The following LARS2 variants were observed in gnomAD, a reference collection of about 807,000 sequenced individuals.
The protein encoded by LARS2 is leucine--tRNA ligase, mitochondrial.
A neutral mutation model predicts 116.6 loss-of-function variants in LARS2; 81 were observed. The ratio of observed to expected loss-of-function variants is 0.69; its 90% CI spans 0.58 to 0.84. The LOEUF (loss-of-function observed/expected upper bound fraction) is 0.84, where lower values mean the gene tolerates loss of function less well. Among genes scored for constraint, LARS2 ranks in the 40% least tolerant of loss-of-function variants. The pLI is 0.00. For missense variants in LARS2, 968 were observed against 1,114.5 expected (o/e 0.87, Z 1.87); for synonymous variants, 396 against 407.2 (o/e 0.97, Z 0.33).
At chr3:45,498,755 G>GC (rs1340417778) in intron 14 of LARS2, among the ~76,000 whole-genome samples, 1 of 152,144 alleles carries the variant, frequency 6.6e-6, no homozygotes, top group Non-Finnish European at 1.5e-5. Context: ...AGCCAGTGCT[G>GC]CCCCTCCCAC....
At chr3:45,469,784 T>G (rs537747667) in intron 8 of LARS2, among the ~76,000 whole-genome samples, 8 of 152,264 alleles carry the variant, frequency 5.3e-5, no homozygotes, top group Non-Finnish European at 1.2e-4. Context: ...ATAATTGGTT[T>G]TCCTTTTTTA....
intron 2 of LARS2, among the ~76,000 whole-genome samples, chr3:45,393,581 G>GA (rs987902527): frequency 3.4e-4 from 51 of 148,460 alleles, no homozygotes; most frequent in African/African-American, 6.2e-4. Context: ...TCTCAAAAAA[G>GA]AAAAAAAAAC....
At chr3:45,428,616 T>G (rs547484047) in intron 6 of LARS2, among the ~76,000 whole-genome samples, 12 of 152,222 alleles carry the variant, frequency 7.9e-5, no homozygotes, top group Non-Finnish European at 1.8e-4. Flanking sequence ...CCATTATCAC[T>G]CTTCATCTCC....
intron 7 of LARS2, 37 bp downstream of exon 7, chr3:45,447,017 A>C (rs756897276): frequency 8.0e-7 from 1 of 1,243,068 alleles, no homozygotes; most frequent in South Asian, 1.2e-5. Flanking sequence ...AAATTCAGTG[A>C]ATCTCTTTAG....
chr3:45,445,539 G>A (rs1699004249), intron 6 of LARS2, among the ~76,000 whole-genome samples: 1 of 152,208 alleles, frequency 6.6e-6, no homozygotes, highest in African/African-American at 2.4e-5. Flanking sequence ...TCGTATGCAT[G>A]GCTCAGAAAT....
intron 20 of LARS2, among the ~76,000 whole-genome samples, chr3:45,526,759 C>A (rs1258180142): frequency 2.0e-5 from 3 of 151,988 alleles, no homozygotes; most frequent in Non-Finnish European, 4.4e-5. Context: ...TCCCAGTGGA[C>A]AAACAACATT....
At chr3:45,395,245 C>T (rs1213774692) in intron 3 of LARS2, among the ~76,000 whole-genome samples, 6 of 152,230 alleles carry the variant, frequency 3.9e-5, no homozygotes. Context: ...TGGTTTGGGG[C>T]ACACCAGCCC....
At chr3:45,404,890 C>G (rs934010150) in intron 4 of LARS2, among the ~76,000 whole-genome samples, 1 of 152,102 alleles carries the variant, frequency 6.6e-6, no homozygotes, top group Admixed American at 6.5e-5. Context: ...TCCGGCCAGT[C>G]CTTGCTATTT....
intron 6 of LARS2, among the ~76,000 whole-genome samples, chr3:45,432,599 T>C (rs1197667922): frequency 6.6e-6 from 1 of 151,536 alleles, no homozygotes; most frequent in Non-Finnish European, 1.5e-5. Context: ...TGAATGAAAA[T>C]GAAAACAACA....
chr3:45,441,719 G>A (rs1448165153), intron 6 of LARS2, among the ~76,000 whole-genome samples: 1 of 152,182 alleles, frequency 6.6e-6, no homozygotes, highest in African/African-American at 2.4e-5. Flanking sequence ...TATCACTGAT[G>A]AATCGCTGTG....
At chr3:45,543,899 C>A (rs1700835627) in intron 21 of LARS2, among the ~76,000 whole-genome samples, 1 of 152,196 alleles carries the variant, frequency 6.6e-6, no homozygotes, top group East Asian at 1.9e-4. Flanking sequence ...ATGAAAATAT[C>A]TATCTTAAAT....
At chr3:45,430,436 GCC>G in intron 6 of LARS2, among the ~76,000 whole-genome samples, 1 of 148,006 alleles carries the variant, frequency 6.8e-6, no homozygotes, top group Non-Finnish European at 1.5e-5. Flanking sequence ...CTGCCACCAT[GCC>G]CCGCTAAATT....
At chr3:45,496,840 G>A (rs1700021526) in intron 14 of LARS2, among the ~76,000 whole-genome samples, 1 of 152,214 alleles carries the variant, frequency 6.6e-6, no homozygotes, top group African/African-American at 2.4e-5. Context: ...TCTCTTAAAG[G>A]GAGAGTGCTA....
chr3:45,453,514 C>T (rs148557125), intron 7 of LARS2, among the ~76,000 whole-genome samples: 25 of 152,350 alleles, frequency 1.6e-4, no homozygotes, highest in African/African-American at 5.1e-4. Flanking sequence ...AAGTTTGCAG[C>T]ATGGCCTTGG....
In LARS2 at chr3:45,500,597, T is replaced by C. The variant is rs1700102022; in HGVS notation, c.1760+18T>C. ...AAACATAGGTAAGCACTTATACTGC[T>C]TTGCAAAATAATTGAGTTCCATGAA... On this transcript the variant is annotated intron_variant, in intron 15 of 21. Transcript: ENST00000645846. 1.3e-6 allele frequency: 2 copies of C among 1,512,548 alleles called. No individual in the cohort carries two copies. The highest frequency in any genetic ancestry group is 1.5e-5 in the African/African-American group (1 of 68,956). 93.7% of individuals were successfully genotyped at this position (1,512,548 alleles called of 1,614,324 possible).
intron 3 of LARS2, among the ~76,000 whole-genome samples, chr3:45,399,623 G>A (rs949401918): frequency 5.3e-5 from 8 of 151,920 alleles, no homozygotes; most frequent in African/African-American, 1.9e-4. Context: ...GTCTGCATTG[G>A]GACCGCTTTT....
intron 8 of LARS2, among the ~76,000 whole-genome samples, chr3:45,471,451 A>C (rs1483349681): frequency 6.6e-6 from 1 of 152,268 alleles, no homozygotes; most frequent in Non-Finnish European, 1.5e-5. Flanking sequence ...TGAATCTGTC[A>C]TCCTCATCAA....
At position 45,426,030 on chromosome 3, in the gene LARS2, A is replaced by G. The variant is rs956987700; in HGVS notation, c.516+6301A>G. On this transcript the variant is annotated intron_variant, in intron 6 of 21. Transcript: ENST00000645846. ...AGGAGCAGTGCTCTCTTTCCATCCA[A>G]AACATATAGACTCTGAATCATTTCT... Among the ~76,000 whole-genome samples, 28 of 151,774 alleles carry G rather than the reference A, an allele frequency of 1.8e-4. 1 individual carries two copies. The highest frequency in any genetic ancestry group is 2.9e-5 in the Non-Finnish European group (2 of 67,990).
Position 45,517,917 on chromosome 3 carries a change from G to A in LARS2, c.2059G>A (p.Gly687Arg). Reference protein sequence around the residue: ...LWDVKTDALPGVLRWQQRLWT... With the variant: ...LWDVKTDALPRVLRWQQRLWT... Reference sequence around the variant, plus strand: ...GCTGAATTCAGCTGATGCTCTCCCTGGGGTGCTGAGATGGCAACAACGACT... The same window carrying A: ...GCTGAATTCAGCTGATGCTCTCCCTAGGGTGCTGAGATGGCAACAACGACT... The change falls in exon 18 of 22, where the codon GGG becomes AGG. Residue 687 changes from glycine (G) to arginine (R), a missense_variant. Coordinates refer to ENST00000645846, the MANE Select transcript of LARS2 (RefSeq NM_015340.4). 1 of 1,613,284 alleles carries A rather than the reference G, an allele frequency of 6.2e-7. No individual in the cohort carries two copies. The highest frequency in any genetic ancestry group is 2.2e-5 in the East Asian group (1 of 44,868).
Sources: gnomAD v4.1 joint callset for allele counts (sites outside exome capture counted in the v4.1 genomes callset) on GRCh38, gnomAD v4.1.1 for gene constraint, MANE v1.5 for transcripts, NCBI Gene and HGNC (gene_info 2026-07-23, HGNC 2026-07-21) for gene names.